Variants in LRRC7 observed in about 807,000 individuals in gnomAD.
The protein encoded by LRRC7 is leucine-rich repeat-containing protein 7.
Under a neutral mutation model 175.7 loss-of-function variants are expected in LRRC7, and 23 were observed. The ratio of observed to expected loss-of-function variants is 0.13; its 90% CI spans 0.09 to 0.19. LRRC7 has a LOEUF of 0.19. Ranked by LOEUF, LRRC7 falls within the 10% of genes least tolerant of loss-of-function variation. The pLI is 1.00. For missense variants in LRRC7, 1,354 were observed against 1,904.7 expected (o/e 0.71, Z 5.38); for synonymous variants, 685 against 680.9 (o/e 1.01, Z -0.09).
At chr1:69,736,818 T>C (rs996869942) in intron 2 of LRRC7, among the ~76,000 whole-genome samples, 1 of 152,152 alleles carries the variant, frequency 6.6e-6, no homozygotes, top group Non-Finnish European at 1.5e-5. Context: ...GTAGCCATTG[T>C]AATTATTATC....
rs868807074 is a variant in LRRC7 at position 69,683,548 on chromosome 1, A to G, written c.100+5070A>G. Among the ~76,000 whole-genome samples, 24 of 152,262 alleles carry G rather than the reference A, an allele frequency of 1.6e-4. 1 individual carries two copies. The highest frequency in any genetic ancestry group is 3.4e-3 in the Middle Eastern group (1 of 294). ...ACTGGCTTTCTTATAATTGTTGATC[A>G]TATTCAGTGATAAGAGAAAAATATG... On this transcript the variant is annotated intron_variant, in intron 2 of 26. Transcript: ENST00000651989.
chr1:70,037,014 T>C (rs1454232121), intron 20 of LRRC7, among the ~76,000 whole-genome samples: 2 of 152,186 alleles, frequency 1.3e-5, no homozygotes, highest in East Asian at 3.8e-4. Context: ...TTCAATAAAT[T>C]TTCATTGCTA....
chr1:70,023,113 C>T lies in LRRC7; in HGVS notation c.1546-13C>T. ...CTCTTTCTCCCAGAAAATGGAGATT[C>T]CTTCTCCCACAGGATCTCTCCTGCC... is the stretch of plus-strand genomic sequence containing the variant. On this transcript the variant is annotated splice_polypyrimidine_tract_variant and intron_variant, in intron 16 of 26. Transcript: ENST00000651989. 7.2e-7 allele frequency: 1 copy of T among 1,384,756 alleles called. No homozygotes were observed. The allele number at this position is 1,384,756 out of a possible 1,614,324, so 85.8% of individuals were successfully genotyped here.
At chr1:69,684,242 T>A (rs1489795721) in intron 2 of LRRC7, among the ~76,000 whole-genome samples, 3 of 152,184 alleles carry the variant, frequency 2.0e-5, no homozygotes, top group Non-Finnish European at 4.4e-5. Flanking sequence ...ACATATTGCC[T>A]GGCAGTTAGT....
At position 70,124,917 on chromosome 1, in the gene LRRC7, T is replaced by G. The variant is rs372262700; in HGVS notation, c.*3030T>G. On this transcript the variant is annotated 3_prime_UTR_variant, in exon 27 of 27. Coordinates refer to ENST00000651989, the MANE Select transcript of LRRC7 (RefSeq NM_001370785.2). ...TCTAATGGAGGAGACTGAGAAACAT[T>G]AGAGGTAGAAAGAGCAAGTGATGAA... 7.9e-5 allele frequency among the ~76,000 whole-genome samples: 12 copies of G among 152,250 alleles called. No homozygotes were observed. Among genetic ancestry groups the G allele is most frequent in the African/African-American group, 1.9e-4 (8 of 41,542 alleles).
chr1:70,116,647 C>G (rs1429548995), intron 26 of LRRC7, among the ~76,000 whole-genome samples: 4 of 150,828 alleles, frequency 2.7e-5, no homozygotes, highest in Middle Eastern at 3.2e-3. Flanking sequence ...TTCAAACTTT[C>G]TCACATTTAC....
At position 70,088,038 on chromosome 1, in the gene LRRC7, A is replaced by G. The variant is rs139724211; in HGVS notation, c.4453-1689A>G. 2.2e-4 allele frequency among the ~76,000 whole-genome samples: 33 copies of G among 152,302 alleles called. 1 individual carries two copies. In the East Asian group the frequency reaches 6.4e-3, roughly 29 times the overall value. ...AGTGTTTTGGGCATTTACATTTGCC[A>G]TAAGCAAATTAATGGGCTAAGCAAG... On this transcript the variant is annotated intron_variant, in intron 24 of 26. Coordinates refer to ENST00000651989, the MANE Select transcript of LRRC7 (RefSeq NM_001370785.2).
At chr1:70,083,989 CAT>C (rs983115215) in intron 24 of LRRC7, among the ~76,000 whole-genome samples, 47 of 152,184 alleles carry the variant, frequency 3.1e-4, no homozygotes, top group African/African-American at 1.1e-3. Flanking sequence ...TTTTAATAAA[CAT>C]AAATTATATT....
chr1:69,618,136 T>C (rs968950019), intron 1 of LRRC7, among the ~76,000 whole-genome samples: 13 of 152,116 alleles, frequency 8.5e-5, no homozygotes, highest in African/African-American at 3.1e-4. Flanking sequence ...TCTCATTTTT[T>C]TCCCCCGCAG....
At chr1:69,943,666 C>T (rs1048227787) in intron 8 of LRRC7, among the ~76,000 whole-genome samples, 1 of 146,456 alleles carries the variant, frequency 6.8e-6, no homozygotes, top group Admixed American at 6.7e-5. Context: ...AAACATATGG[C>T]CCAAGTGAAC....
intron 7 of LRRC7, among the ~76,000 whole-genome samples, chr1:69,902,326 T>A (rs1646158104): frequency 1.3e-5 from 2 of 152,140 alleles, no homozygotes; most frequent in African/African-American, 2.4e-5. Flanking sequence ...TCCCAGCACT[T>A]TGGGAGGCTG....
At chr1:69,595,397 C>T (rs1221275564) in intron 1 of LRRC7, among the ~76,000 whole-genome samples, 15 of 152,030 alleles carry the variant, frequency 9.9e-5, no homozygotes, top group Admixed American at 6.6e-4. Context: ...TCCAGCCTGG[C>T]GACAGAGACT....
rs138635791 is a variant in LRRC7, at chr1:70,034,701, C to G, written c.1996-1420C>G. ...CAGTGCTGGATCTTCGTCTAATCAT[C>G]TGTGTAACCTAGGCCTAAGCTGAGT... On this transcript the variant is annotated intron_variant, in intron 18 of 26. Transcript: ENST00000651989. Among the ~76,000 whole-genome samples the G allele has an allele frequency of 1.2e-4, 18 of 152,290 alleles. No individual in the cohort carries two copies. In the East Asian group the frequency reaches 3.5e-3, roughly 29 times the overall value.
intron 8 of LRRC7, among the ~76,000 whole-genome samples, chr1:69,947,631 T>A (rs933952110): frequency 3.9e-4 from 59 of 151,996 alleles, no homozygotes; most frequent in African/African-American, 2.7e-4. Context: ...ATAGTTATAT[T>A]TATATACTGT....
intron 2 of LRRC7, among the ~76,000 whole-genome samples, chr1:69,686,791 A>G (rs1397322258): frequency 2.6e-5 from 4 of 152,156 alleles, no homozygotes; most frequent in Non-Finnish European, 4.4e-5. Context: ...TGTAAATACC[A>G]TGGTTAAAAG....
intron 17 of LRRC7, among the ~76,000 whole-genome samples, chr1:70,027,381 A>G (rs1658233343): frequency 6.6e-6 from 1 of 152,186 alleles, no homozygotes; most frequent in South Asian, 2.1e-4. Flanking sequence ...ATAGTCATTA[A>G]CATGTGTTCC....
intron 3 of LRRC7, among the ~76,000 whole-genome samples, chr1:69,763,106 A>G (rs1671221398): frequency 6.6e-6 from 1 of 152,098 alleles, no homozygotes; most frequent in Non-Finnish European, 1.5e-5. Context: ...AATGAAAGGA[A>G]TAATGCATCA....
intron 1 of LRRC7, among the ~76,000 whole-genome samples, chr1:69,654,241 A>G (rs1656282278): frequency 6.6e-6 from 1 of 152,050 alleles, no homozygotes; most frequent in Admixed American, 6.6e-5. Flanking sequence ...GAAACTTTAG[A>G]TAAAAATATC....
intron 7 of LRRC7, among the ~76,000 whole-genome samples, chr1:69,930,501 C>A (rs565603246): frequency 1.3e-5 from 2 of 152,292 alleles, no homozygotes; most frequent in Admixed American, 1.3e-4. Context: ...AAAAAAAAAT[C>A]TTTCAGAAAA....
Sources: gnomAD v4.1 joint callset for allele counts (sites outside exome capture counted in the v4.1 genomes callset) on GRCh38, gnomAD v4.1.1 for gene constraint, MANE v1.5 for transcripts, NCBI Gene and HGNC (gene_info 2026-07-23, HGNC 2026-07-21) for gene names.